The following RAD18 variants were observed in gnomAD, a reference collection of about 807,000 sequenced individuals.
The protein encoded by RAD18 is E3 ubiquitin-protein ligase RAD18.
RAD18 carries 47 observed loss-of-function variants against 60.4 expected under a neutral mutation model. That is an observed-to-expected ratio of 0.78 (90% CI 0.62 to 0.99). RAD18 has a LOEUF of 0.99. RAD18 is among the 50% of genes least tolerant of loss of function. The pLI is 0.00. For synonymous variants in RAD18, 225 were observed against 195.5 expected, an observed-to-expected ratio of 1.15 and a Z score of -1.26; for missense variants, 640 against 593.3, an observed-to-expected ratio of 1.08 and a Z score of -0.82.
At chr3:8,899,774 A>C (rs1243989384) in intron 10 of RAD18, among the ~76,000 whole-genome samples, 1 of 152,138 alleles carries the variant, frequency 6.6e-6, no homozygotes, top group Non-Finnish European at 1.5e-5. Flanking sequence ...GGATTCTCCC[A>C]CTCATCATGA....
Position 8,882,813 on chromosome 3 carries a change from A to G in RAD18, c.1386-1354T>C, listed in dbSNP as rs548399465. Among the ~76,000 whole-genome samples, 130 of 152,308 alleles carry G rather than the reference A, an allele frequency of 8.5e-4. 2 individuals carry two copies. The highest frequency in any genetic ancestry group is 5.5e-3 in the Admixed American group (84 of 15,304). On this transcript the variant is annotated intron_variant, in intron 12 of 12. Coordinates refer to ENST00000264926, the MANE Select transcript of RAD18 (RefSeq NM_020165.4). Reference sequence around the variant, plus strand: ...TCACATTAGTCACTAGGAAACTCCAATCCAGGTCAACTCTGAATTACCCAG... The same window carrying G: ...TCACATTAGTCACTAGGAAACTCCAGTCCAGGTCAACTCTGAATTACCCAG...
chr3:8,915,998 G>A (rs569636513), intron 7 of RAD18, among the ~76,000 whole-genome samples: 21 of 152,228 alleles, frequency 1.4e-4, no homozygotes, highest in African/African-American at 5.1e-4. Flanking sequence ...TCCATTCCTG[G>A]CAAAAGAGAA....
intron 5 of RAD18, among the ~76,000 whole-genome samples, 180 bp from the exon 6 acceptor site, chr3:8,939,833 T>C (rs974042511): frequency 1.3e-5 from 2 of 152,184 alleles, no homozygotes; most frequent in Non-Finnish European, 2.9e-5. Flanking sequence ...GACTGGTTAC[T>C]GGGTAATGGC....
chr3:8,945,591 C>A (rs1038487835), intron 4 of RAD18, among the ~76,000 whole-genome samples: 2 of 151,050 alleles, frequency 1.3e-5, no homozygotes, highest in African/African-American at 4.9e-5. Flanking sequence ...CCTGCCTCAG[C>A]CTCCCAAGTA....
chr3:8,921,769 C>A (rs1940325195), intron 7 of RAD18, among the ~76,000 whole-genome samples: 1 of 152,082 alleles, frequency 6.6e-6, no homozygotes, highest in Non-Finnish European at 1.5e-5. Context: ...CAGATCTACA[C>A]AAAGAAACAA....
chr3:8,915,719 G>C (rs958122603), intron 7 of RAD18, among the ~76,000 whole-genome samples: 14 of 151,994 alleles, frequency 9.2e-5, no homozygotes, highest in African/African-American at 3.4e-4. Flanking sequence ...GAGTAGCTGG[G>C]ACTACAGGTG....
rs1160925092 is a variant in RAD18, at chr3:8,909,066, G to A, written c.1027+3246C>T. On this transcript the variant is annotated intron_variant, in intron 9 of 12. Coordinates refer to ENST00000264926, the MANE Select transcript of RAD18 (RefSeq NM_020165.4). ...GGTTGAGAGTGGGGAGTATAGATAG[G>A]GGGGTCAGAGGCAATTAGAGAAAGA... 4.6e-5 allele frequency among the ~76,000 whole-genome samples: 7 copies of A among 152,158 alleles called. 1 individual carries two copies. Among genetic ancestry groups the A allele is most frequent in the Admixed American group, 2.0e-4 (3 of 15,274 alleles).
chr3:8,916,010 C>T (rs1940194037), intron 7 of RAD18, among the ~76,000 whole-genome samples: 1 of 152,158 alleles, frequency 6.6e-6, no homozygotes, highest in Admixed American at 6.5e-5. Flanking sequence ...AAAAGAGAAC[C>T]ACCCCCACTG....
At chr3:8,900,167 C>G (rs1939879961) in intron 10 of RAD18, among the ~76,000 whole-genome samples, 1 of 152,142 alleles carries the variant, frequency 6.6e-6, no homozygotes, top group African/African-American at 2.4e-5. Context: ...TGTCATCTGG[C>G]TGTCAATAAA....
chr3:8,950,329 T>A (rs1256884158), intron 2 of RAD18, among the ~76,000 whole-genome samples: 1 of 152,176 alleles, frequency 6.6e-6, no homozygotes, highest in African/African-American at 2.4e-5. Context: ...GCCACTGCAC[T>A]GGCCCAGAGT....
intron 7 of RAD18, 71 bp from the exon 8 acceptor site, chr3:8,913,791 AGT>A: frequency 1.0e-6 from 1 of 996,556 alleles, no homozygotes; most frequent in South Asian, 2.1e-5. Context: ...TAATTATTTA[AGT>A]TGTTAACATT....
At chr3:8,895,377 A>G (rs779168812) in intron 11 of RAD18, among the ~76,000 whole-genome samples, 4 of 152,252 alleles carry the variant, frequency 2.6e-5, no homozygotes, top group Non-Finnish European at 5.9e-5. Flanking sequence ...GACTTACAGT[A>G]AGATACTTCA....
At chr3:8,887,880 G>T (rs1231451060) in intron 12 of RAD18, among the ~76,000 whole-genome samples, 1 of 152,144 alleles carries the variant, frequency 6.6e-6, no homozygotes, top group Non-Finnish European at 1.5e-5. Context: ...ACAGCAACGG[G>T]CCCAGCCAGG....
intron 2 of RAD18, among the ~76,000 whole-genome samples, chr3:8,951,613 A>G (rs1368445307): frequency 6.6e-6 from 1 of 152,244 alleles, no homozygotes; most frequent in African/African-American, 2.4e-5. Flanking sequence ...AATTTAACAG[A>G]TAACACTTTG....
chr3:8,885,447 T>C (rs1939542773), intron 12 of RAD18, among the ~76,000 whole-genome samples: 1 of 152,212 alleles, frequency 6.6e-6, no homozygotes, highest in Non-Finnish European at 1.5e-5. Flanking sequence ...TTAGAGAAAG[T>C]TATTTTCTAA....
At position 8,922,825 on chromosome 3, in the gene RAD18, G is replaced by A. The variant is rs569017530; in HGVS notation, c.890-9105C>T. ...AAACAGGGTCTGGAGTGGACCTCTG[G>A]CAAACTCCAACAGACCTGCAGCTGA... On this transcript the variant is annotated intron_variant, in intron 7 of 12. Transcript: ENST00000264926. Among the ~76,000 whole-genome samples, 4 of 152,296 alleles carry A rather than the reference G, an allele frequency of 2.6e-5. No individual in the cohort carries two copies. The South Asian group carries it at 8.3e-4, about 32-fold the overall frequency.
At chr3:8,884,352 T>C (rs540170676) in intron 12 of RAD18, among the ~76,000 whole-genome samples, 1 of 152,368 alleles carries the variant, frequency 6.6e-6, no homozygotes, top group African/African-American at 2.4e-5. Context: ...TGCAGTTTTG[T>C]TATTGCTTTT....
In RAD18 at chr3:8,881,437, T is replaced by C. The variant is rs1939460722; in HGVS notation, c.1408A>G (p.Ile470Val). ...GTGCGGCGATTCTGTCTTGGACTTA[T>C]TTCTGTGTCTTGAAGATCGTTTCTG... ...SHKNDLQDTE[I>V]SPRQNRRTRA... The change falls in exon 13 of 13, where the codon ATA becomes GTA. Residue 470 changes from isoleucine to valine, a missense_variant. By Grantham distance (29) the Ile-to-Val change is conservative. Transcript: ENST00000264926. The C allele has an allele frequency of 6.2e-7, 1 of 1,611,174 alleles. No individual in the cohort carries two copies. Among genetic ancestry groups the C allele is most frequent in the Non-Finnish European group, 8.5e-7 (1 of 1,177,326 alleles).
chr3:8,957,300 T>C (rs936062078), intron 2 of RAD18, among the ~76,000 whole-genome samples: 1 of 152,118 alleles, frequency 6.6e-6, no homozygotes, highest in Non-Finnish European at 1.5e-5. Flanking sequence ...CAGCAGGCTT[T>C]TGGTAGAAAT....
Sources: gnomAD v4.1 joint callset for allele counts (sites outside exome capture counted in the v4.1 genomes callset) on GRCh38, gnomAD v4.1.1 for gene constraint, MANE v1.5 for transcripts, NCBI Gene and HGNC (gene_info 2026-07-23, HGNC 2026-07-21) for gene names.